The following DDX31 variants were observed in gnomAD, a reference collection of about 807,000 sequenced individuals.
DDX31 encodes the protein DEAD-box helicase 31.
Under a neutral mutation model 91.3 loss-of-function variants are expected in DDX31, and 70 were observed. That is an observed-to-expected ratio of 0.77 (90% CI 0.63 to 0.94). The LOEUF (loss-of-function observed/expected upper bound fraction) is 0.94, where lower values mean the gene tolerates loss of function less well. DDX31 is among the 40% of genes least tolerant of loss of function. The pLI, the probability that DDX31 is intolerant of heterozygous loss-of-function variation, is 0.00. For missense variants in DDX31, 902 were observed against 925.0 expected (o/e 0.98, Z 0.32); for synonymous variants, 362 against 350.6 (o/e 1.03, Z -0.36).
chr9:132,644,051 T>C (rs1469947516), intron 13 of DDX31, among the ~76,000 whole-genome samples: 1 of 152,084 alleles, frequency 6.6e-6, no homozygotes, highest in East Asian at 1.9e-4. Flanking sequence ...TAAGGCCTTG[T>C]AGGACAGTGG....
At chr9:132,598,385 C>T (rs532315201) in intron 19 of DDX31, among the ~76,000 whole-genome samples, 2 of 152,304 alleles carry the variant, frequency 1.3e-5, no homozygotes, top group South Asian at 4.1e-4. Context: ...TCTCCAATGG[C>T]CTTCCTGAGC....
intron 1 of DDX31, 92 bp from the exon 2 acceptor site, chr9:132,662,787 A>G (rs998167303): frequency 8.1e-5 from 125 of 1,537,966 alleles, no homozygotes; most frequent in Non-Finnish European, 1.1e-4. Flanking sequence ...ACAGAATTGC[A>G]TCTCTCCCTG....
At chr9:132,606,348 T>C (rs1831023976) in intron 19 of DDX31, among the ~76,000 whole-genome samples, 1 of 152,236 alleles carries the variant, frequency 6.6e-6, no homozygotes, top group Non-Finnish European at 1.5e-5. Context: ...AATATTGCTT[T>C]ACAGGGAGAT....
chr9:132,641,960 C>A, intron 14 of DDX31, 44 bp downstream of exon 14: 1 of 1,582,704 alleles, frequency 6.3e-7, no homozygotes. Flanking sequence ...ACAGCCATCA[C>A]AGAAATGTAT....
intron 18 of DDX31, among the ~76,000 whole-genome samples, chr9:132,616,297 C>T (rs965714562): frequency 2.6e-5 from 4 of 152,284 alleles, no homozygotes; most frequent in Admixed American, 2.6e-4. Flanking sequence ...GGTACATAAA[C>T]ATTGGGAAGT....
chr9:132,641,583 T>C lies in DDX31; in HGVS notation c.1440+421A>G, dbSNP rs942523733. ...GGCCCTGAAATCACAGGACAAATGATAGTCGGAGACAGCAGCAAATAAAAT... is the reference window on the plus strand; with the variant it reads ...GGCCCTGAAATCACAGGACAAATGACAGTCGGAGACAGCAGCAAATAAAAT... On this transcript the variant is annotated intron_variant, in intron 14 of 19. Coordinates refer to ENST00000372159, the MANE Select transcript of DDX31 (RefSeq NM_022779.9). 5.3e-5 allele frequency among the ~76,000 whole-genome samples: 8 copies of C among 152,200 alleles called. No individual in the cohort carries two copies. The South Asian group carries it at 6.2e-4, about 12-fold the overall frequency.
In DDX31 at chr9:132,632,036, A is replaced by G. The variant is rs768146712; in HGVS notation, c.1491+5T>C. On this transcript the variant is annotated splice_donor_5th_base_variant and intron_variant, in intron 15 of 19. Coordinates refer to ENST00000372159, the MANE Select transcript of DDX31 (RefSeq NM_022779.9). ...AAGCTTACACCTTAACAACTAAAAA[A>G]TTACCTGAACAATCCACGTGACTTG... 6.4e-5 allele frequency: 104 copies of G among 1,612,590 alleles called. No homozygotes were observed. Among genetic ancestry groups the G allele is most frequent in the Non-Finnish European group, 8.5e-5 (100 of 1,179,250 alleles).
At chr9:132,624,086 G>A (rs941460762) in intron 17 of DDX31, among the ~76,000 whole-genome samples, 9 of 140,554 alleles carry the variant, frequency 6.4e-5, no homozygotes, top group Admixed American at 3.9e-4. Context: ...AGAATCACTC[G>A]AACCTGGGAG....
At chr9:132,621,237 T>A (rs1832012309) in intron 17 of DDX31, among the ~76,000 whole-genome samples, 1 of 152,232 alleles carries the variant, frequency 6.6e-6, no homozygotes, top group African/African-American at 2.4e-5. Flanking sequence ...GGGAGGTTTT[T>A]GTGAAAGCCT....
chr9:132,634,198 T>C (rs1368451209), intron 14 of DDX31, among the ~76,000 whole-genome samples: 1 of 152,184 alleles, frequency 6.6e-6, no homozygotes, highest in African/African-American at 2.4e-5. Flanking sequence ...GCTTTAACAA[T>C]GAATTCTTAT....
intron 5 of DDX31, 53 bp downstream of exon 5, chr9:132,659,657 C>A: frequency 2.6e-6 from 4 of 1,553,540 alleles, no homozygotes; most frequent in Non-Finnish European, 3.5e-6. Flanking sequence ...AAACCTAGTG[C>A]ATGACCATGG....
chr9:132,665,668 A>G (rs1835258172), intron 1 of DDX31, among the ~76,000 whole-genome samples: 3 of 152,224 alleles, frequency 2.0e-5, no homozygotes, highest in Admixed American at 2.0e-4. Flanking sequence ...CGCACCTGTA[A>G]AATGAGGGGA....
chr9:132,613,835 C>T lies in DDX31; in HGVS notation c.1826-1580G>A, dbSNP rs928770743. ...AGGCATTCCCTTGAGGAAAGATTCT[C>T]GTAGATTGAATATCTGGAAGTAACA... is the stretch of plus-strand genomic sequence containing the variant. On this transcript the variant is annotated intron_variant, in intron 18 of 19. Transcript: ENST00000372159. 9.2e-5 allele frequency among the ~76,000 whole-genome samples: 14 copies of T among 152,300 alleles called. No homozygotes were observed. In the South Asian group the frequency reaches 1.2e-3, roughly 14 times the overall value.
intron 7 of DDX31, 106 bp downstream of exon 7, chr9:132,652,342 A>G (rs778216069): frequency 4.8e-4 from 626 of 1,304,628 alleles, no homozygotes; most frequent in Non-Finnish European, 6.4e-4. Flanking sequence ...ACTGGTGTGC[A>G]GTGGCTTGTG....
chr9:132,610,155 G>A (rs1203412847), intron 19 of DDX31, among the ~76,000 whole-genome samples: 1 of 152,150 alleles, frequency 6.6e-6, no homozygotes, highest in Non-Finnish European at 1.5e-5. Context: ...AGGCCCCGCA[G>A]CCTAGAATCC....
Position 132,630,319 on chromosome 9 carries a change from T to A in DDX31, c.1576A>T (p.Ile526Phe). ...TATTCTGCCTCCGAAGGAGCCAAAA[T>A]GAGCAGGCTGCTCCCATGGCAGCCA... The part of the protein sequence containing the change: ...RIGCHGSSLL[I>F]LAPSEAEYVN... Residue 526 changes from isoleucine (I) to phenylalanine (F), a missense_variant, in exon 16 of 20, where the codon ATT (isoleucine) becomes TTT (phenylalanine). Coordinates refer to ENST00000372159, the MANE Select transcript of DDX31 (RefSeq NM_022779.9). 1 of 1,598,926 alleles carries A rather than the reference T, an allele frequency of 6.3e-7. No individual in the cohort carries two copies. The highest frequency in any genetic ancestry group is 8.6e-7 in the Non-Finnish European group (1 of 1,167,668).
chr9:132,662,555 T>C lies in DDX31; in HGVS notation c.216A>G (p.Lys72=), dbSNP rs1835038858. 6.2e-7 allele frequency: 1 copy of C among 1,614,086 alleles called. No individual in the cohort carries two copies. Among genetic ancestry groups the C allele is most frequent in the African/African-American group, 1.3e-5 (1 of 74,940 alleles). The change falls in exon 2 of 20, where the codon AAA becomes AAG. Residue 72 remains lysine (K), a synonymous_variant. Transcript: ENST00000372159. ...CCGAATGCTTCTTTGGAGAAAACAT[T>C]TTTTGTGCGTTCCCCTTAAAAGTCC... ...TQRTFKGNAQ[K]MFSPKKHSVS... is the part of the protein sequence containing the mutation.
At chr9:132,610,436 G>T (rs1831258828) in intron 19 of DDX31, among the ~76,000 whole-genome samples, 1 of 152,172 alleles carries the variant, frequency 6.6e-6, no homozygotes, top group South Asian at 2.1e-4. Context: ...ATTAGTATCA[G>T]AAAAGAATCA....
At chr9:132,616,402 C>T (rs925332279) in intron 18 of DDX31, among the ~76,000 whole-genome samples, 1 of 152,132 alleles carries the variant, frequency 6.6e-6, no homozygotes, top group Non-Finnish European at 1.5e-5. Flanking sequence ...AAAGAAAACC[C>T]AAAACCACAT....
Sources: allele counts gnomAD v4.1 joint callset (sites outside exome capture counted in the v4.1 genomes callset), GRCh38; gene constraint gnomAD v4.1.1; transcripts MANE v1.5; gene names NCBI Gene and HGNC (gene_info 2026-07-23, HGNC 2026-07-21).